Variants in PAQR5 observed in about 807,000 individuals in gnomAD.
PAQR5 encodes progestin and adipoQ receptor family member 5.
PAQR5 carries 20 observed loss-of-function variants against 34.5 expected under a neutral mutation model. The observed-to-expected ratio is 0.58, with a 90% CI of 0.41 to 0.84. PAQR5 has a LOEUF of 0.84. PAQR5 is among the 40% of genes least tolerant of loss of function. PAQR5 has a pLI of 0.00. For missense variants in PAQR5, 378 were observed against 412.7 expected (o/e 0.92, Z 0.73); for synonymous variants, 131 against 155.6 (o/e 0.84, Z 1.18).
intron 1 of PAQR5, among the ~76,000 whole-genome samples, chr15:69,327,664 G>A (rs189425245): frequency 1.9e-4 from 29 of 152,300 alleles, no homozygotes; most frequent in African/African-American, 6.7e-4. Flanking sequence ...GAGAAAGTGA[G>A]AGCATGTGGC....
chr15:69,347,545 A>C (rs2054806402), intron 2 of PAQR5, among the ~76,000 whole-genome samples: 1 of 152,154 alleles, frequency 6.6e-6, no homozygotes, highest in Non-Finnish European at 1.5e-5. Context: ...TCTTCTGGTT[A>C]AAATAGGGAC....
chr15:69,326,785 A>G (rs1434727148), intron 1 of PAQR5, among the ~76,000 whole-genome samples: 3 of 151,756 alleles, frequency 2.0e-5, no homozygotes, highest in African/African-American at 7.3e-5. Flanking sequence ...GTAGGTTTAT[A>G]GAAAAATTGT....
chr15:69,347,378 G>A (rs1476644466), intron 2 of PAQR5, among the ~76,000 whole-genome samples: 1 of 152,132 alleles, frequency 6.6e-6, no homozygotes, highest in South Asian at 2.1e-4. Flanking sequence ...TTTTCTATCA[G>A]TCGGAAAAAG....
intron 1 of PAQR5, among the ~76,000 whole-genome samples, chr15:69,311,640 A>G (rs901240238): frequency 6.6e-6 from 1 of 152,104 alleles, no homozygotes; most frequent in Non-Finnish European, 1.5e-5. Flanking sequence ...CAGTGCCCAC[A>G]GGGGTTATTT....
chr15:69,363,784 C>T (rs1270463049), intron 3 of PAQR5, among the ~76,000 whole-genome samples: 1 of 152,048 alleles, frequency 6.6e-6, no homozygotes, highest in Admixed American at 6.6e-5. Flanking sequence ...GAACTCCTGA[C>T]CTCAAGTGAT....
At chr15:69,342,909 A>G (rs1471392623) in intron 2 of PAQR5, among the ~76,000 whole-genome samples, 1 of 152,194 alleles carries the variant, frequency 6.6e-6, no homozygotes, top group Non-Finnish European at 1.5e-5. Flanking sequence ...CTCCTACCAC[A>G]TGCAGGAGGC....
At chr15:69,383,979 C>T (rs1316547565) in intron 4 of PAQR5, among the ~76,000 whole-genome samples, 2 of 70,240 alleles carry the variant, frequency 2.8e-5, no homozygotes, top group Admixed American at 1.6e-4. Context: ...CTGTGTTCAT[C>T]GTGGAGGGTG....
chr15:69,324,820 G>T (rs1296787272), intron 1 of PAQR5, among the ~76,000 whole-genome samples: 1 of 151,654 alleles, frequency 6.6e-6, no homozygotes, highest in African/African-American at 2.4e-5. Context: ...CCATGGCCCT[G>T]TCCTGCTATA....
At chr15:69,382,702 A>ATG (rs1392223623) in intron 4 of PAQR5, among the ~76,000 whole-genome samples, 19 of 111,382 alleles carry the variant, frequency 1.7e-4, no homozygotes, top group African/African-American at 5.5e-4. Flanking sequence ...ATATATATAT[A>ATG]TATGTATGTA....
chr15:69,325,811 G>T (rs187887407), intron 1 of PAQR5, among the ~76,000 whole-genome samples: 1 of 152,004 alleles, frequency 6.6e-6, no homozygotes, highest in South Asian at 2.1e-4. Context: ...TCCACCCACC[G>T]CAGTTTCTAC....
chr15:69,402,760 C>T (rs1567046381), intron 8 of PAQR5, among the ~76,000 whole-genome samples: 1 of 152,232 alleles, frequency 6.6e-6, no homozygotes, highest in East Asian at 1.9e-4. Flanking sequence ...ATGTATTTTT[C>T]AGGGACATCA....
At chr15:69,300,841 TTTTCTTTCTTTCTTTCTTTC>T (rs541929828) in intron 1 of PAQR5, among the ~76,000 whole-genome samples, 526 of 19,574 alleles carry the variant, frequency 0.027, 106 homozygotes, top group African/African-American at 0.085. Context: ...CTTTAGTTCG[TTTTCTTTCTTTCTTTCTTTC>T]TTTCTTTCTT....
chr15:69,325,133 A>C lies in PAQR5; in HGVS notation c.-276-12208A>C, dbSNP rs140741390. On this transcript the variant is annotated intron_variant, in intron 1 of 8. Transcript: ENST00000395407. ...AGGCTGGTCTTGAACTCCTGACCTC[A>C]GGTGATCCACCCAGCTCAGCCTCCC... is the stretch of plus-strand genomic sequence containing the variant. 6.4e-3 allele frequency among the ~76,000 whole-genome samples: 969 copies of C among 152,278 alleles called. 20 individuals carry two copies. The highest frequency in any genetic ancestry group is 0.022 in the African/African-American group (920 of 41,550).
chr15:69,338,537 A>G (rs907709663), intron 2 of PAQR5, among the ~76,000 whole-genome samples: 2 of 152,212 alleles, frequency 1.3e-5, no homozygotes, highest in Non-Finnish European at 2.9e-5. Flanking sequence ...AGACAGTTAG[A>G]AAGCGGTTCC....
chr15:69,385,799 A>G lies in PAQR5; in HGVS notation c.385+917A>G, dbSNP rs111958459. Reference sequence around the variant, plus strand: ...ACACACACTGACACACACACATACAATGCACTCACACATGCACATACACAC... The same window carrying G: ...ACACACACTGACACACACACATACAGTGCACTCACACATGCACATACACAC... On this transcript the variant is annotated intron_variant, in intron 5 of 8. Coordinates refer to ENST00000395407, the MANE Select transcript of PAQR5 (RefSeq NM_017705.4). The surrounding 1 kb of genome is among the most constrained non-coding windows in gnomAD (Gnocchi z 4.7). Among the ~76,000 whole-genome samples the G allele has an allele frequency of 0.023, 3,499 of 151,792 alleles. 135 individuals are homozygous for G. Among genetic ancestry groups the G allele is most frequent in the African/African-American group, 0.079 (3,260 of 41,348 alleles).
chr15:69,341,939 A>AC (rs1341377223), intron 2 of PAQR5, among the ~76,000 whole-genome samples: 2 of 151,590 alleles, frequency 1.3e-5, no homozygotes, highest in Non-Finnish European at 2.9e-5. Context: ...AAAAAAAAAA[A>AC]AAAACTGTTT....
intron 6 of PAQR5, among the ~76,000 whole-genome samples, chr15:69,395,577 TACA>T (rs1007541256): frequency 5.3e-5 from 8 of 152,254 alleles, no homozygotes; most frequent in African/African-American, 1.7e-4. Flanking sequence ...ATCAAATCCA[TACA>T]ACGAGGCTGT....
At chr15:69,322,790 G>GGA (rs2054151506) in intron 1 of PAQR5, among the ~76,000 whole-genome samples, 1 of 13,136 alleles carries the variant, frequency 7.6e-5, no homozygotes, top group Non-Finnish European at 2.0e-4. Context: ...AAGAAGACGA[G>GGA]GAAGAAGAAG....
At chr15:69,383,483 G>GC (rs2055989240) in intron 4 of PAQR5, among the ~76,000 whole-genome samples, 1 of 137,402 alleles carries the variant, frequency 7.3e-6, no homozygotes, top group Non-Finnish European at 1.6e-5. Flanking sequence ...GGGTGAGTGG[G>GC]CCTTTGTGTT....
Sources: gnomAD v4.1 joint callset for allele counts (sites outside exome capture counted in the v4.1 genomes callset) on GRCh38, gnomAD v4.1.1 for gene constraint, Gnocchi (gnomAD v3.1) non-coding constraint, MANE v1.5 for transcripts, NCBI Gene and HGNC (gene_info 2026-07-23, HGNC 2026-07-21) for gene names.